Variants in SNX13 observed in about 807,000 individuals in gnomAD.
SNX13 encodes the protein sorting nexin-13.
In SNX13, 45 loss-of-function variants were observed where a neutral mutation model predicts 133.6. The observed-to-expected ratio is 0.34, with a 90% CI of 0.27 to 0.43. The LOEUF is 0.43. Among genes scored for constraint, SNX13 ranks in the 20% least tolerant of loss-of-function variants. SNX13 has a pLI of 1.00. For missense variants in SNX13, 1,032 were observed against 1,145.1 expected, an observed-to-expected ratio of 0.90 and a Z score of 1.43; for synonymous variants, 414 against 373.9, an observed-to-expected ratio of 1.11 and a Z score of -1.24.
At chr7:17,869,879 G>GACACAC (rs10569996) in intron 8 of SNX13, among the ~76,000 whole-genome samples, 1 of 149,394 alleles carries the variant, frequency 6.7e-6, no homozygotes, top group Non-Finnish European at 1.5e-5. Context: ...CACACACACA[G>GACACAC]ACACACACAC....
chr7:17,877,987 TTTGTC>T (rs1409862660), intron 5 of SNX13, among the ~76,000 whole-genome samples: 3 of 152,066 alleles, frequency 2.0e-5, no homozygotes, highest in African/African-American at 7.2e-5. Context: ...TCTAATAATG[TTTGTC>T]TTAACAAAAT....
rs956577708 is a variant in SNX13, at chr7:17,826,006, C to T, written c.1705+16G>A. On this transcript the variant is annotated intron_variant, in intron 17 of 25. Coordinates refer to ENST00000428135, the MANE Select transcript of SNX13 (RefSeq NM_015132.5). ...ACATAGTTTTAATGCAATAATTATACTTCAAACTCTCTTACCTGTGTCTGA... is the reference window on the plus strand; with the variant it reads ...ACATAGTTTTAATGCAATAATTATATTTCAAACTCTCTTACCTGTGTCTGA... 7.5e-6 allele frequency: 11 copies of T among 1,467,856 alleles called. No homozygotes were observed. In the African/African-American group the frequency reaches 1.1e-4, roughly 15 times the overall value. 90.9% of individuals were successfully genotyped at this position (1,467,856 alleles called of 1,614,324 possible).
At chr7:17,801,510 G>A in intron 22 of SNX13, 78 bp downstream of exon 22, 1 of 1,062,592 alleles carries the variant, frequency 9.4e-7, no homozygotes. Context: ...ATGATACATA[G>A]AACACTTCAT....
intron 1 of SNX13, chr7:17,898,439 C>T (rs980323409): frequency 6.6e-6 from 1 of 152,118 alleles, no homozygotes; most frequent in Non-Finnish European, 1.5e-5. Context: ...GAAAGGAGGG[C>T]TTTATTTATT....
chr7:17,806,012 T>G (rs1785255550), intron 20 of SNX13, among the ~76,000 whole-genome samples: 1 of 152,124 alleles, frequency 6.6e-6, no homozygotes, highest in Non-Finnish European at 1.5e-5. Flanking sequence ...AAGTAGATTT[T>G]TAGAAAAAAA....
chr7:17,846,656 T>C (rs1266752213), intron 11 of SNX13, among the ~76,000 whole-genome samples: 2 of 151,544 alleles, frequency 1.3e-5, no homozygotes, highest in African/African-American at 4.8e-5. Context: ...TAAAGGAAAA[T>C]GTAGAGAATT....
intron 8 of SNX13, among the ~76,000 whole-genome samples, chr7:17,873,194 G>A (rs1794316637): frequency 6.6e-6 from 1 of 152,140 alleles, no homozygotes; most frequent in East Asian, 1.9e-4. Flanking sequence ...GGTTTCAGGT[G>A]ACCCTTTCAA....
intron 1 of SNX13, among the ~76,000 whole-genome samples, chr7:17,911,563 A>G (rs1798981575): frequency 6.6e-6 from 1 of 151,446 alleles, no homozygotes; most frequent in African/African-American, 2.4e-5. Flanking sequence ...TGCTTGAACC[A>G]GGAAGCAGAG....
intron 20 of SNX13, among the ~76,000 whole-genome samples, chr7:17,812,072 C>A (rs995096476): frequency 3.9e-5 from 6 of 152,034 alleles, no homozygotes; most frequent in African/African-American, 1.5e-4. Context: ...CAATACAATC[C>A]AGGACATAGG....
At chr7:17,856,657 T>C (rs1791920965) in intron 9 of SNX13, among the ~76,000 whole-genome samples, 1 of 151,182 alleles carries the variant, frequency 6.6e-6, no homozygotes, top group African/African-American at 2.4e-5. Flanking sequence ...CCGGGTATGG[T>C]GGCATATCCC....
intron 13 of SNX13, among the ~76,000 whole-genome samples, chr7:17,837,752 G>T (rs1440080518): frequency 6.6e-6 from 1 of 151,892 alleles, no homozygotes; most frequent in African/African-American, 2.4e-5. Flanking sequence ...TTGTCAAACT[G>T]AAGTTCAATT....
intron 3 of SNX13, among the ~76,000 whole-genome samples, chr7:17,892,930 A>G (rs1335997539): frequency 6.6e-6 from 1 of 152,194 alleles, no homozygotes; most frequent in African/African-American, 2.4e-5. Flanking sequence ...TCTAATTACA[A>G]GCTGTATTTT....
At chr7:17,797,122 G>T (rs1784141825) in intron 24 of SNX13, among the ~76,000 whole-genome samples, 183 bp from the exon 25 acceptor site, 1 of 151,462 alleles carries the variant, frequency 6.6e-6, no homozygotes, top group African/African-American at 2.4e-5. Context: ...TCAATTTTAG[G>T]GGTTCAAAAA....
At chr7:17,858,791 A>G (rs1792255380) in intron 9 of SNX13, among the ~76,000 whole-genome samples, 1 of 152,136 alleles carries the variant, frequency 6.6e-6, no homozygotes, top group South Asian at 2.1e-4. Flanking sequence ...AGAAAAGAAG[A>G]GGCCAGAATC....
intron 2 of SNX13, among the ~76,000 whole-genome samples, chr7:17,896,224 T>C (rs1201035331): frequency 3.3e-5 from 5 of 152,182 alleles, no homozygotes; most frequent in Admixed American, 3.3e-4. Flanking sequence ...ATCAGACTCT[T>C]ATGGCTGAAA....
Position 17,834,743 on chromosome 7 carries a change from T to C in SNX13, c.1464+18A>G. The C allele has an allele frequency of 1.4e-6, 2 of 1,468,496 alleles. No individual in the cohort carries two copies. The highest frequency in any genetic ancestry group is 1.8e-4 in the Middle Eastern group (1 of 5,670). The allele number at this position is 1,468,496 out of a possible 1,614,324, so 91.0% of individuals were successfully genotyped here. A position where few individuals can be genotyped will look rare whatever the true frequency, so the allele number is the denominator to read the frequency against. ...TTCTCAAAAAAGATAAAATGATAAA[T>C]GCTGTACATAATAATACCTTTCTTT... On this transcript the variant is annotated intron_variant, in intron 14 of 25. Transcript: ENST00000428135.
rs750326427 is a variant in SNX13, at chr7:17,794,165, G to T, written c.2754C>A (p.Thr918=). 2 of 1,611,542 alleles carry T rather than the reference G, an allele frequency of 1.2e-6. No homozygotes were observed. The highest frequency in any genetic ancestry group is 1.7e-6 in the Non-Finnish European group (2 of 1,178,414). Residue 918 remains threonine (T), a synonymous_variant, in exon 26 of 26, where the codon ACC becomes ACA. Transcript: ENST00000428135. The part of the protein sequence containing the change: ...VYVFLEGFLE[T]LFPQYKFREL... ...CACGGAATTTATACTGTGGAAATAA[G>T]GTTTCTAAAAAGCCTTCCAAGAAGA... is the stretch of plus-strand genomic sequence containing the variant.
At chr7:17,904,831 C>G (rs1036393501) in intron 1 of SNX13, among the ~76,000 whole-genome samples, 2 of 152,116 alleles carry the variant, frequency 1.3e-5, no homozygotes, top group African/African-American at 4.8e-5. Flanking sequence ...ATTCTATGTA[C>G]AATAAGTTGA....
rs574670675 is a variant in SNX13 at position 17,800,561 on chromosome 7, T to C, written c.2298+1027A>G. On this transcript the variant is annotated intron_variant, in intron 22 of 25. Transcript: ENST00000428135. ...AAACAAAAAATGTTTTTAAAGAAAA[T>C]TATAGGACATCTCTGTGACCCTGCA... is the stretch of plus-strand genomic sequence containing the variant. Among the ~76,000 whole-genome samples the C allele has an allele frequency of 2.2e-4, 33 of 151,828 alleles. 1 individual carries two copies. The South Asian group carries it at 6.9e-3, about 32-fold the overall frequency.
Sources: gnomAD v4.1 joint callset for allele counts (sites outside exome capture counted in the v4.1 genomes callset) on GRCh38, gnomAD v4.1.1 for gene constraint, MANE v1.5 for transcripts, NCBI Gene and HGNC (gene_info 2026-07-23, HGNC 2026-07-21) for gene names.